Variants in LRRC3B observed in about 807,000 individuals in gnomAD.
The protein encoded by LRRC3B is leucine-rich repeat-containing protein 3B.
LRRC3B carries 2 observed loss-of-function variants against 12.8 expected under a neutral mutation model. The ratio of observed to expected loss-of-function variants is 0.16; its 90% CI spans 0.06 to 0.49. LRRC3B has a LOEUF of 0.49. Ranked by LOEUF, LRRC3B falls within the 20% of genes least tolerant of loss-of-function variation. LRRC3B has a pLI of 0.96. For synonymous variants in LRRC3B, 132 were observed against 122.0 expected (o/e 1.08, Z -0.54); for missense variants, 189 against 319.4 (o/e 0.59, Z 3.11).
chr3:26,667,639 G>C (rs1421909256), intron 1 of LRRC3B, among the ~76,000 whole-genome samples: 1 of 152,146 alleles, frequency 6.6e-6, no homozygotes, highest in African/African-American at 2.4e-5. Flanking sequence ...CAAAAGGAGG[G>C]TGTGCCTTGT....
At chr3:26,635,370 A>G (rs1449721321) in intron 1 of LRRC3B, among the ~76,000 whole-genome samples, 1 of 152,138 alleles carries the variant, frequency 6.6e-6, no homozygotes, top group African/African-American at 2.4e-5. Context: ...CTAACCCCCA[A>G]TGTGATGGTA....
chr3:26,623,525 A>G (rs1698556079), intron 1 of LRRC3B, among the ~76,000 whole-genome samples: 1 of 152,078 alleles, frequency 6.6e-6, no homozygotes, highest in South Asian at 2.1e-4. Context: ...TGCAACTTGC[A>G]GGTTTAGTTC....
intron 1 of LRRC3B, among the ~76,000 whole-genome samples, chr3:26,648,002 T>A (rs1264829140): frequency 6.6e-6 from 1 of 152,132 alleles, no homozygotes; most frequent in Non-Finnish European, 1.5e-5. Flanking sequence ...CATTGTGTTC[T>A]GTGACTCGAC....
At chr3:26,694,123 CTT>C (rs1045805200) in intron 1 of LRRC3B, among the ~76,000 whole-genome samples, 36 of 152,216 alleles carry the variant, frequency 2.4e-4, no homozygotes, top group African/African-American at 8.2e-4. Flanking sequence ...ACCTCATACT[CTT>C]TGAGAATATT....
chr3:26,691,358 T>C (rs1180567292), intron 1 of LRRC3B, among the ~76,000 whole-genome samples: 2 of 151,808 alleles, frequency 1.3e-5, no homozygotes, highest in Non-Finnish European at 2.9e-5. Context: ...TGATGGACAG[T>C]GGTTCTGGAA....
At chr3:26,691,105 GTATATATATA>G (rs1553605090) in intron 1 of LRRC3B, among the ~76,000 whole-genome samples, 8 of 84,832 alleles carry the variant, frequency 9.4e-5, no homozygotes, top group Admixed American at 7.7e-4. Context: ...GTGTGTGTGT[GTATATATATA>G]TATATATATA....
exon 2 of LRRC3B, chr3:26,710,201 T>C: frequency 6.2e-7 from 1 of 1,613,796 alleles, no homozygotes; most frequent in Non-Finnish European, 8.5e-7. Context: ...AACGTCCGTG[T>C]TGGATGAACA....
chr3:26,650,307 T>G (rs1251029327), intron 1 of LRRC3B, among the ~76,000 whole-genome samples: 1 of 152,222 alleles, frequency 6.6e-6, no homozygotes, highest in African/African-American at 2.4e-5. Flanking sequence ...TAAGCTTTTC[T>G]GTTGAGTCTC....
At chr3:26,636,968 T>C (rs187502660) in intron 1 of LRRC3B, among the ~76,000 whole-genome samples, 6,787 of 64,954 alleles carry the variant, frequency 0.1, 261 homozygotes, top group Non-Finnish European at 0.15. Flanking sequence ...CTTTCTTTCT[T>C]TCTTTCTCTC....
intron 1 of LRRC3B, among the ~76,000 whole-genome samples, chr3:26,653,097 CAAAAA>C (rs58039696): frequency 2.6e-5 from 3 of 117,006 alleles, no homozygotes; most frequent in Admixed American, 8.6e-5. Context: ...CTTGTGGGAT[CAAAAA>C]AAAAAAAAAA....
intron 1 of LRRC3B, chr3:26,625,497 A>G (rs1413504975): frequency 6.6e-6 from 1 of 152,234 alleles, no homozygotes; most frequent in African/African-American, 2.4e-5. Flanking sequence ...CTTCAGAAGT[A>G]CCTGGATACC....
intron 1 of LRRC3B, among the ~76,000 whole-genome samples, chr3:26,654,512 A>G (rs1699330857): frequency 6.6e-6 from 1 of 152,232 alleles, no homozygotes; most frequent in Non-Finnish European, 1.5e-5. Flanking sequence ...AATGAGGATT[A>G]CCTGTATGCT....
At chr3:26,652,935 T>G (rs1237259259) in intron 1 of LRRC3B, among the ~76,000 whole-genome samples, 1 of 152,142 alleles carries the variant, frequency 6.6e-6, no homozygotes, top group Admixed American at 6.5e-5. Flanking sequence ...TGGCATAATC[T>G]CATATCTCTT....
intron 1 of LRRC3B, among the ~76,000 whole-genome samples, chr3:26,693,695 C>T (rs1431054091): frequency 4.6e-5 from 7 of 152,150 alleles, no homozygotes; most frequent in African/African-American, 1.7e-4. Flanking sequence ...AAATTACTAG[C>T]AGTAACTAGT....
At chr3:26,652,691 C>A (rs367845182) in intron 1 of LRRC3B, among the ~76,000 whole-genome samples, 4 of 151,786 alleles carry the variant, frequency 2.6e-5, no homozygotes, top group African/African-American at 9.7e-5. Context: ...TTCCAAAACC[C>A]CTTTATTTTT....
chr3:26,691,105 G>GTGTGTGTATATATATATATATA (rs372629683), intron 1 of LRRC3B, among the ~76,000 whole-genome samples: 3 of 84,830 alleles, frequency 3.5e-5, no homozygotes, highest in East Asian at 5.6e-4. Context: ...GTGTGTGTGT[G>GTGTGTGTATATATATATATATA]TATATATATA....
chr3:26,692,901 T>C (rs1197142067), intron 1 of LRRC3B, among the ~76,000 whole-genome samples: 1 of 152,192 alleles, frequency 6.6e-6, no homozygotes, highest in Non-Finnish European at 1.5e-5. Flanking sequence ...CAGGCTGGTT[T>C]TCCCATATGT....
chr3:26,682,491 C>G (rs1325577041), intron 1 of LRRC3B, among the ~76,000 whole-genome samples: 1 of 152,182 alleles, frequency 6.6e-6, no homozygotes, highest in African/African-American at 2.4e-5. Flanking sequence ...ACCTTATTTA[C>G]TGAATAACTG....
At chr3:26,673,502 A>C (rs1699795229) in intron 1 of LRRC3B, among the ~76,000 whole-genome samples, 1 of 152,212 alleles carries the variant, frequency 6.6e-6, no homozygotes, top group South Asian at 2.1e-4. Context: ...GTCTTAGAAA[A>C]TTATGCAGTG....
Sources: allele counts gnomAD v4.1 joint callset (sites outside exome capture counted in the v4.1 genomes callset), GRCh38; gene constraint gnomAD v4.1.1; transcripts MANE v1.5; gene names NCBI Gene and HGNC (gene_info 2026-07-23, HGNC 2026-07-21).